Variants in POLR1A observed in about 807,000 individuals in gnomAD.
The protein encoded by POLR1A is RNA polymerase I subunit A.
POLR1A carries 84 observed loss-of-function variants against 205.3 expected under a neutral mutation model. That is an observed-to-expected ratio of 0.41 (90% CI 0.34 to 0.49). The LOEUF is 0.49. Among genes scored for constraint, POLR1A ranks in the 20% least tolerant of loss-of-function variants. POLR1A has a pLI of 0.22. For synonymous variants in POLR1A, 799 were observed against 863.7 expected, an observed-to-expected ratio of 0.93 and a Z score of 1.31; for missense variants, 1,645 against 2,204.5, an observed-to-expected ratio of 0.75 and a Z score of 5.08.
intron 4 of POLR1A, among the ~76,000 whole-genome samples, chr2:86,089,550 C>T (rs1253949355): frequency 6.6e-6 from 1 of 152,188 alleles, no homozygotes; most frequent in African/African-American, 2.4e-5. Flanking sequence ...GACCTGCTGC[C>T]ATTTTTTAAG....
intron 14 of POLR1A, 81 bp downstream of exon 14, chr2:86,065,193 G>A (rs1433800759): frequency 4.8e-6 from 6 of 1,245,758 alleles, no homozygotes; most frequent in Non-Finnish European, 6.8e-6. Flanking sequence ...TCTCTGGTCT[G>A]GACTCTTCTG....
chr2:86,094,329 T>C (rs138847417), intron 3 of POLR1A, among the ~76,000 whole-genome samples: 12 of 152,352 alleles, frequency 7.9e-5, no homozygotes, highest in South Asian at 2.1e-4. Context: ...TGGGTTATAA[T>C]CACTTAGTAT....
At chr2:86,077,559 G>T (rs963488709) in intron 11 of POLR1A, among the ~76,000 whole-genome samples, 1 of 152,172 alleles carries the variant, frequency 6.6e-6, no homozygotes, top group Non-Finnish European at 1.5e-5. Context: ...AAGCTATGCC[G>T]GCGGGGATGT....
intron 28 of POLR1A, 59 bp from the exon 29 acceptor site, chr2:86,032,441 C>T: frequency 8.3e-7 from 1 of 1,208,140 alleles, no homozygotes. Flanking sequence ...CTCAGTGAAT[C>T]CATCCATCCA....
At chr2:86,081,534 A>G in intron 8 of POLR1A, 67 bp downstream of exon 8, 1 of 999,732 alleles carries the variant, frequency 1.0e-6, no homozygotes, top group Non-Finnish European at 1.5e-6. Flanking sequence ...CACCTCTCCT[A>G]GAGGTCACAT....
rs758145416 is a variant in POLR1A at position 86,030,255 on chromosome 2, T to C, written c.4720A>G (p.Lys1574Glu). ...LNETTNNKNE[K>E]ELVLNTEGIN... ...CCTTCTGTGTTTAGCACAAGCTCCT[T>C]CTCGTTCTTATTGTTGGTTGTTTCA... The change falls in exon 31 of 34, where the codon AAG (lysine) becomes GAG (glutamate). Residue 1574 changes from lysine to glutamate, a missense_variant. Around this residue, in one of 16 missense-constraint regions of POLR1A, gnomAD observed 394 missense variants for 468.5 expected, o/e 0.84. Transcript: ENST00000263857. The C allele has an allele frequency of 6.2e-7, 1 of 1,614,188 alleles. No individual in the cohort carries two copies. Among genetic ancestry groups the C allele is most frequent in the Admixed American group, 1.7e-5 (1 of 60,018 alleles).
intron 14 of POLR1A, among the ~76,000 whole-genome samples, chr2:86,058,117 T>C (rs975521955): frequency 2.0e-5 from 3 of 151,946 alleles, no homozygotes; most frequent in Non-Finnish European, 4.4e-5. Flanking sequence ...TATTCATTTA[T>C]TGAGATGGAG....
At chr2:86,036,773 G>A (rs569392847) in intron 27 of POLR1A, among the ~76,000 whole-genome samples, 18 of 152,322 alleles carry the variant, frequency 1.2e-4, no homozygotes, top group South Asian at 4.1e-4. Flanking sequence ...AAGCTACTGC[G>A]CATGGCTTTA....
In POLR1A at chr2:86,048,968, A is replaced by C; in HGVS notation, c.2550T>G (p.His850Gln). 6.2e-7 allele frequency: 1 copy of C among 1,613,906 alleles called. No homozygotes were observed. The highest frequency in any genetic ancestry group is 8.5e-7 in the Non-Finnish European group (1 of 1,179,744). Residue 850 changes from histidine to glutamine, a missense_variant, in exon 18 of 34, where the codon CAT (histidine) becomes CAG (glutamine). Physicochemically the swap from His to Gln is conservative, Grantham distance 24. Around this residue, in one of 16 missense-constraint regions of POLR1A, gnomAD observed 339 missense variants for 415.1 expected, o/e 0.82. Transcript: ENST00000263857. ...DEVRGKWQDA[H>Q]LGKDQRDFNM... ...TAAAATCCCTCTGGTCCTTGCCCAG[A>C]TGGGCATCCTGCCATTTTCCTCGGA...
At chr2:86,051,764 AG>A (rs1246430181) in intron 16 of POLR1A, among the ~76,000 whole-genome samples, 1 of 152,246 alleles carries the variant, frequency 6.6e-6, no homozygotes, top group Non-Finnish European at 1.5e-5. Context: ...TGACTGCTTC[AG>A]GGGAGCCCCA....
rs1673570165 is a variant in POLR1A at position 86,089,839 on chromosome 2, C to T, written c.523G>A (p.Gly175Arg). 7 of 1,608,048 alleles carry T rather than the reference C, an allele frequency of 4.4e-6. No homozygotes were observed. The highest frequency in any genetic ancestry group is 6.0e-6 in the Non-Finnish European group (7 of 1,174,444). ...TTEIVQNNLL[G>R]SQGAHVKNVC... is the part of the protein sequence containing the mutation. ...TAACTCACATGTGCGCCCTGGGACC[C>T]CAGGAGGTTGTTCTGCACAATTTCA... The change falls in exon 4 of 34, where the codon GGG becomes AGG. Residue 175 changes from glycine (G) to arginine (R), a missense_variant. Physicochemically the swap from Gly to Arg is moderately radical, Grantham distance 125. Around this residue, in one of 16 missense-constraint regions of POLR1A, gnomAD observed 330 missense variants for 375.6 expected, o/e 0.88. Coordinates refer to ENST00000263857, the MANE Select transcript of POLR1A (RefSeq NM_015425.6).
rs1491204385 is a variant in POLR1A at position 86,070,000 on chromosome 2, CCT to C, written c.1866+16_1866+17del. On this transcript the variant is annotated intron_variant, in intron 13 of 33. Transcript: ENST00000263857. The stretch of plus-strand genomic sequence containing the variant: ...CATGCTGACGATGACCACGGAACAG[CCT>C]CAAGGCCAGACCTACCTTGGGAACA... The C allele has an allele frequency of 1.1e-5, 18 of 1,607,432 alleles. No individual in the cohort carries two copies. The African/African-American group carries it at 1.7e-4, about 16-fold the overall frequency.
At chr2:86,071,120 A>C (rs1032240267) in intron 12 of POLR1A, among the ~76,000 whole-genome samples, 1 of 151,866 alleles carries the variant, frequency 6.6e-6, no homozygotes, top group African/African-American at 2.4e-5. Context: ...CTAAAGTGAT[A>C]GCAATAATGT....
intron 7 of POLR1A, among the ~76,000 whole-genome samples, chr2:86,082,469 T>TA (rs1673420946): frequency 6.6e-6 from 1 of 151,706 alleles, no homozygotes; most frequent in Non-Finnish European, 1.5e-5. Flanking sequence ...CTGGTTACTT[T>TA]AAAAAATGCC....
rs1245754875 is a variant in POLR1A, at chr2:86,070,546, A to C, written c.1612-274T>G. ...AAGACCACAGGTCTTTGTCTTCTTC[A>C]GAGATGCATAGCCGTCCCAGGTTTC... On this transcript the variant is annotated intron_variant, in intron 12 of 33. Transcript: ENST00000263857. This position sits in a 1 kb window ranked among gnomAD's most constrained non-coding sequence, Gnocchi z 4.4. Among the ~76,000 whole-genome samples the C allele has an allele frequency of 6.6e-6, 1 of 152,168 alleles. No homozygotes were observed. The highest frequency in any genetic ancestry group is 1.5e-5 in the Non-Finnish European group (1 of 68,032).
At chr2:86,071,795 C>T (rs1673184390) in intron 12 of POLR1A, among the ~76,000 whole-genome samples, 1 of 152,100 alleles carries the variant, frequency 6.6e-6, no homozygotes, top group African/African-American at 2.4e-5. Flanking sequence ...TACTGGGCCT[C>T]CTAAACACTG....
Position 86,049,239 on chromosome 2 carries a change from A to G in POLR1A, c.2396T>C (p.Val799Ala). 1 of 1,612,336 alleles carries G rather than the reference A, an allele frequency of 6.2e-7. No homozygotes were observed. The highest frequency in any genetic ancestry group is 8.5e-7 in the Non-Finnish European group (1 of 1,178,420). The part of the protein sequence containing the change: ...LQLYRGFTLG[V>A]EDILVKPKAD... Reference sequence around the variant, plus strand: ...CTTTGGCTTCACCAAAATGTCTTCCACGCCTGTGAAGTGAAACAGACAAGC... The same window carrying G: ...CTTTGGCTTCACCAAAATGTCTTCCGCGCCTGTGAAGTGAAACAGACAAGC... Residue 799 changes from valine (V) to alanine (A), a missense_variant, in exon 17 of 34, where the codon GTG becomes GCG. Val to Ala is a moderately conservative substitution (Grantham distance 64, BLOSUM62 0). Transcript: ENST00000263857.
rs773234800 is a variant in POLR1A at position 86,098,603 on chromosome 2, C to T, written c.432+8G>A. On this transcript the variant is annotated splice_region_variant and intron_variant, in intron 3 of 33. Transcript: ENST00000263857. ...TTCTGATTTCTGTGACCACCACTAC[C>T]CACCTACCCTGTTCAGAATTCTCTC... The T allele has an allele frequency of 1.9e-6, 3 of 1,611,520 alleles. No homozygotes were observed. Among genetic ancestry groups the T allele is most frequent in the Non-Finnish European group, 2.5e-6 (3 of 1,179,316 alleles).
intron 2 of POLR1A, among the ~76,000 whole-genome samples, chr2:86,099,554 C>T (rs1008042250): frequency 2.0e-5 from 3 of 152,002 alleles, no homozygotes; most frequent in Admixed American, 6.6e-5. Context: ...TGGGGCTTTG[C>T]TTCTCCTGCC....
Sources: gnomAD v4.1 joint callset for allele counts (sites outside exome capture counted in the v4.1 genomes callset) on GRCh38, gnomAD v4.1.1 for gene constraint, gnomAD v4.1.1 regional missense constraint, Gnocchi (gnomAD v3.1) non-coding constraint, MANE v1.5 for transcripts, NCBI Gene and HGNC (gene_info 2026-07-23, HGNC 2026-07-21) for gene names.